Variants in CACHD1 observed in about 807,000 individuals in gnomAD.
CACHD1 encodes cache domain containing 1, also known as VWFA and cache domain-containing protein 1.
A neutral mutation model predicts 138.7 loss-of-function variants in CACHD1; 71 were observed. The observed-to-expected ratio is 0.51, with a 90% CI of 0.42 to 0.62. The LOEUF is 0.62. Among genes scored for constraint, CACHD1 ranks in the 20% least tolerant of loss-of-function variants. CACHD1 has a pLI of 0.00. For synonymous variants in CACHD1, 578 were observed against 591.5 expected, an observed-to-expected ratio of 0.98 and a Z score of 0.33; for missense variants, 1,389 against 1,625.3, an observed-to-expected ratio of 0.85 and a Z score of 2.50.
chr1:64,639,409 G>T (rs1648628956), intron 7 of CACHD1, among the ~76,000 whole-genome samples: 1 of 152,160 alleles, frequency 6.6e-6, no homozygotes, highest in Non-Finnish European at 1.5e-5. Flanking sequence ...TTTAAGACAA[G>T]AATATTCCTA....
chr1:64,614,883 C>A (rs1460599878), intron 4 of CACHD1, among the ~76,000 whole-genome samples: 1 of 152,120 alleles, frequency 6.6e-6, no homozygotes, highest in Non-Finnish European at 1.5e-5. Flanking sequence ...TGCTTCTCTT[C>A]CCTCTTTTTC....
At chr1:64,521,059 T>C (rs1040372234) in intron 1 of CACHD1, among the ~76,000 whole-genome samples, 6 of 152,232 alleles carry the variant, frequency 3.9e-5, no homozygotes, top group African/African-American at 1.4e-4. Context: ...AACTCTGGGC[T>C]AGGTTCTCTG....
intron 1 of CACHD1, among the ~76,000 whole-genome samples, chr1:64,499,820 T>C (rs376186698): frequency 1.3e-5 from 2 of 152,350 alleles, no homozygotes; most frequent in African/African-American, 4.8e-5. Flanking sequence ...CATATTACTA[T>C]GTTACAGCTT....
intron 1 of CACHD1, among the ~76,000 whole-genome samples, chr1:64,512,849 C>T (rs1172764425): frequency 6.6e-6 from 1 of 152,110 alleles, no homozygotes; most frequent in Non-Finnish European, 1.5e-5. Flanking sequence ...TTTTCTGCCA[C>T]CATTTAAGTG....
At chr1:64,478,427 G>T (rs1570290734) in intron 1 of CACHD1, among the ~76,000 whole-genome samples, 1 of 152,174 alleles carries the variant, frequency 6.6e-6, no homozygotes, top group Non-Finnish European at 1.5e-5. Context: ...CCTTCCAGAA[G>T]AGACAAGAGT....
intron 4 of CACHD1, among the ~76,000 whole-genome samples, chr1:64,626,471 T>C (rs1192674471): frequency 6.6e-6 from 1 of 152,202 alleles, no homozygotes; most frequent in Non-Finnish European, 1.5e-5. Flanking sequence ...TTGAATATAT[T>C]GTCACTCCGC....
At chr1:64,514,252 C>G (rs1288022587) in intron 1 of CACHD1, among the ~76,000 whole-genome samples, 1 of 152,136 alleles carries the variant, frequency 6.6e-6, no homozygotes, top group Non-Finnish European at 1.5e-5. Context: ...GAATGATTGC[C>G]AGTGAATGCT....
intron 3 of CACHD1, among the ~76,000 whole-genome samples, chr1:64,589,579 G>T (rs1198791618): frequency 1.3e-5 from 2 of 151,926 alleles, no homozygotes; most frequent in Non-Finnish European, 2.9e-5. Context: ...TGGTAGGCTG[G>T]CAAGCTGGAG....
At chr1:64,603,247 GGC>G in intron 4 of CACHD1, among the ~76,000 whole-genome samples, 1 of 151,694 alleles carries the variant, frequency 6.6e-6, no homozygotes, top group Admixed American at 6.6e-5. Flanking sequence ...TGGGACTACA[GGC>G]GCCCACCACC....
chr1:64,574,015 G>A (rs759227467), intron 2 of CACHD1, among the ~76,000 whole-genome samples: 12 of 152,192 alleles, frequency 7.9e-5, no homozygotes, highest in Non-Finnish European at 1.2e-4. Context: ...GGAACAAATG[G>A]TGAGTCCTAG....
intron 4 of CACHD1, among the ~76,000 whole-genome samples, chr1:64,606,106 A>AACACACACACACATACAC (rs1647328160): frequency 6.7e-6 from 1 of 148,842 alleles, no homozygotes; most frequent in African/African-American, 2.5e-5. Context: ...AGGAGCTGTA[A>AACACACACACACATACAC]ACACACACAC....
intron 2 of CACHD1, among the ~76,000 whole-genome samples, chr1:64,581,587 A>G (rs995816251): frequency 9.2e-5 from 14 of 152,224 alleles, no homozygotes; most frequent in African/African-American, 3.4e-4. Context: ...AAACACAAGT[A>G]TATTTCTAAG....
intron 1 of CACHD1, among the ~76,000 whole-genome samples, chr1:64,492,594 CCA>C (rs558369143): frequency 1.5e-4 from 23 of 151,850 alleles, no homozygotes; most frequent in South Asian, 4.2e-4. Flanking sequence ...TCATCATATG[CCA>C]CACGGAAACA....
At chr1:64,587,843 G>T (rs1647063179) in intron 3 of CACHD1, among the ~76,000 whole-genome samples, 1 of 152,096 alleles carries the variant, frequency 6.6e-6, no homozygotes, top group South Asian at 2.1e-4. Flanking sequence ...GACTATATCT[G>T]ATCTACAGGC....
chr1:64,486,974 G>A (rs1433061210), intron 1 of CACHD1, among the ~76,000 whole-genome samples: 2 of 152,162 alleles, frequency 1.3e-5, no homozygotes, highest in South Asian at 2.1e-4. Flanking sequence ...ATGATTGGTA[G>A]CAGCCTAGGA....
At chr1:64,484,028 C>G (rs1018171853) in intron 1 of CACHD1, among the ~76,000 whole-genome samples, 1 of 152,142 alleles carries the variant, frequency 6.6e-6, no homozygotes, top group African/African-American at 2.4e-5. Context: ...TTGTTTCCTA[C>G]CCTGTTTCTT....
intron 26 of CACHD1, among the ~76,000 whole-genome samples, chr1:64,690,665 C>G (rs1223073783): frequency 1.3e-5 from 2 of 152,172 alleles, no homozygotes; most frequent in African/African-American, 4.8e-5. Context: ...GGGCAAATTC[C>G]TTAACCTCTC....
At chr1:64,583,072 G>A (rs1267302267) in intron 3 of CACHD1, among the ~76,000 whole-genome samples, 1 of 152,180 alleles carries the variant, frequency 6.6e-6, no homozygotes, top group African/African-American at 2.4e-5. Context: ...ATGTAAATTA[G>A]TATTTATTAT....
In CACHD1 at chr1:64,568,400, A is replaced by G. The variant is rs143999342; in HGVS notation, c.262-13756A>G. Among the ~76,000 whole-genome samples the G allele has an allele frequency of 4.6e-5, 7 of 152,190 alleles. No homozygotes were observed. The East Asian group carries it at 1.4e-3, about 29-fold the overall frequency. On this transcript the variant is annotated intron_variant, in intron 2 of 26. Transcript: ENST00000651257. ...TTCCCTGGAGGATATAGCAACCCTT[A>G]GATACCTCTCAGAACTCCCGGATCT...
Sources: gnomAD v4.1 joint callset for allele counts (sites outside exome capture counted in the v4.1 genomes callset) on GRCh38, gnomAD v4.1.1 for gene constraint, MANE v1.5 for transcripts, NCBI Gene and HGNC (gene_info 2026-07-23, HGNC 2026-07-21) for gene names.